Variants in UBE2E2 observed in about 807,000 individuals in gnomAD.
UBE2E2 encodes ubiquitin-conjugating enzyme E2 E2.
Under a neutral mutation model 24.7 loss-of-function variants are expected in UBE2E2, and 6 were observed. The ratio of observed to expected loss-of-function variants is 0.24; its 90% CI spans 0.13 to 0.48. The LOEUF is 0.48. UBE2E2 is among the 20% of genes least tolerant of loss of function. UBE2E2 has a pLI of 0.99. For missense variants in UBE2E2, 169 were observed against 245.0 expected (o/e 0.69, Z 2.07); for synonymous variants, 104 against 83.6 (o/e 1.24, Z -1.33).
At chr3:23,278,435 G>A (rs1397761674) in intron 3 of UBE2E2, among the ~76,000 whole-genome samples, 2 of 152,144 alleles carry the variant, frequency 1.3e-5, no homozygotes, top group African/African-American at 4.8e-5. Context: ...GGTTTGGTAA[G>A]TGCTTGAAGT....
intron 5 of UBE2E2, among the ~76,000 whole-genome samples, chr3:23,565,561 G>A (rs981609861): frequency 4.8e-5 from 7 of 146,220 alleles, no homozygotes; most frequent in African/African-American, 7.6e-5. Context: ...CTTGTTAGAC[G>A]TAATCAAAGA....
At chr3:23,294,090 G>C (rs1698841610) in intron 3 of UBE2E2, among the ~76,000 whole-genome samples, 1 of 152,158 alleles carries the variant, frequency 6.6e-6, no homozygotes, top group South Asian at 2.1e-4. Context: ...TAATTTACTA[G>C]GACACTGAAT....
At chr3:23,312,884 A>T (rs1481058273) in intron 3 of UBE2E2, among the ~76,000 whole-genome samples, 1 of 151,970 alleles carries the variant, frequency 6.6e-6, no homozygotes, top group Non-Finnish European at 1.5e-5. Context: ...TTTAATTTCC[A>T]TGTGTTTATA....
At chr3:23,542,652 T>C (rs1695419988) in intron 5 of UBE2E2, among the ~76,000 whole-genome samples, 1 of 152,188 alleles carries the variant, frequency 6.6e-6, no homozygotes, top group South Asian at 2.1e-4. Flanking sequence ...TTTTCAAAAT[T>C]GATGTATCTT....
At chr3:23,349,016 T>C (rs12633613) in intron 3 of UBE2E2, among the ~76,000 whole-genome samples, 41,550 of 151,010 alleles carry the variant, frequency 0.28, 5,825 homozygotes, top group East Asian at 0.36. Context: ...CCCGCAGGAG[T>C]TGATAGTACT....
chr3:23,229,512 A>T (rs1278512827), intron 3 of UBE2E2, among the ~76,000 whole-genome samples: 1 of 152,172 alleles, frequency 6.6e-6, no homozygotes, highest in Non-Finnish European at 1.5e-5. Flanking sequence ...TGAGGTGGGT[A>T]GTAGTTTTGT....
Position 23,429,512 on chromosome 3 carries a change from C to G in UBE2E2, c.228-70096C>G, listed in dbSNP as rs116085291. 5.8e-3 allele frequency among the ~76,000 whole-genome samples: 889 copies of G among 152,256 alleles called. 6 individuals are homozygous for G. Among genetic ancestry groups the G allele is most frequent in the African/African-American group, 0.02 (843 of 41,534 alleles). On this transcript the variant is annotated intron_variant, in intron 3 of 5. Coordinates refer to ENST00000396703, the MANE Select transcript of UBE2E2 (RefSeq NM_152653.4). ...ATTTAATTAATATAATTCATCCCGT[C>G]AACAGGCTAAAGAAAATTCTCAGGA...
chr3:23,270,144 C>T (rs565585970), intron 3 of UBE2E2, among the ~76,000 whole-genome samples: 7 of 129,316 alleles, frequency 5.4e-5, no homozygotes, highest in South Asian at 5.1e-4. Flanking sequence ...CTTTCCACCC[C>T]CCTCCTCCTT....
At chr3:23,479,558 A>G (rs1438273066) in intron 3 of UBE2E2, among the ~76,000 whole-genome samples, 3 of 152,166 alleles carry the variant, frequency 2.0e-5, no homozygotes, top group African/African-American at 7.2e-5. Flanking sequence ...GGTATGTTTC[A>G]GCACTGTTTG....
At chr3:23,334,750 G>C (rs1159829548) in intron 3 of UBE2E2, among the ~76,000 whole-genome samples, 1 of 152,144 alleles carries the variant, frequency 6.6e-6, no homozygotes, top group Non-Finnish European at 1.5e-5. Flanking sequence ...CATGCCTCCA[G>C]GGCAGACCTT....
chr3:23,569,463 G>T (rs957529720), intron 5 of UBE2E2, among the ~76,000 whole-genome samples: 2 of 152,120 alleles, frequency 1.3e-5, no homozygotes, highest in Non-Finnish European at 2.9e-5. Flanking sequence ...CTTTAAATGG[G>T]TGTATTGTAT....
At chr3:23,227,342 A>T (rs1263132992) in intron 3 of UBE2E2, among the ~76,000 whole-genome samples, 1 of 152,112 alleles carries the variant, frequency 6.6e-6, no homozygotes, top group South Asian at 2.1e-4. Flanking sequence ...TTCATACTAC[A>T]TATATTTTTG....
chr3:23,226,280 G>A (rs1696824048), intron 3 of UBE2E2, among the ~76,000 whole-genome samples: 1 of 152,110 alleles, frequency 6.6e-6, no homozygotes, highest in African/African-American at 2.4e-5. Flanking sequence ...TATTGAGACA[G>A]AAATTAGAAA....
chr3:23,470,613 A>G (rs1345515246), intron 3 of UBE2E2, among the ~76,000 whole-genome samples: 2 of 152,214 alleles, frequency 1.3e-5, no homozygotes, highest in African/African-American at 2.4e-5. Context: ...CTTAGTTTAA[A>G]TTTTCACATT....
intron 3 of UBE2E2, among the ~76,000 whole-genome samples, chr3:23,472,019 A>G (rs1699041451): frequency 6.6e-6 from 1 of 152,208 alleles, no homozygotes. Context: ...ACGTTCCTAC[A>G]ATGAAAACAT....
At chr3:23,429,278 A>G (rs147010944) in intron 3 of UBE2E2, among the ~76,000 whole-genome samples, 2 of 152,310 alleles carry the variant, frequency 1.3e-5, no homozygotes, top group East Asian at 3.9e-4. Flanking sequence ...ATCCATTTTA[A>G]TTCATTCTGT....
chr3:23,284,585 T>C (rs1283561827), intron 3 of UBE2E2, among the ~76,000 whole-genome samples: 2 of 152,210 alleles, frequency 1.3e-5, no homozygotes, highest in African/African-American at 4.8e-5. Context: ...AGAATTAATA[T>C]CATACATGTC....
At chr3:23,480,130 G>A (rs1292806347) in intron 3 of UBE2E2, among the ~76,000 whole-genome samples, 2 of 152,206 alleles carry the variant, frequency 1.3e-5, no homozygotes, top group African/African-American at 4.8e-5. Flanking sequence ...GGCGCCCACA[G>A]GTCCATGCCA....
chr3:23,530,792 T>G (rs1307341121), intron 4 of UBE2E2, among the ~76,000 whole-genome samples: 1 of 152,166 alleles, frequency 6.6e-6, no homozygotes, highest in Non-Finnish European at 1.5e-5. Flanking sequence ...GATTTCATCT[T>G]CTTTTTCCAT....
Sources: allele counts gnomAD v4.1 joint callset (sites outside exome capture counted in the v4.1 genomes callset), GRCh38; gene constraint gnomAD v4.1.1; transcripts MANE v1.5; gene names NCBI Gene and HGNC (gene_info 2026-07-23, HGNC 2026-07-21).